Variants in REEP1 observed in about 807,000 individuals in gnomAD.
REEP1 encodes receptor accessory protein 1.
REEP1 carries 22 observed loss-of-function variants against 40.3 expected under a neutral mutation model. That is an observed-to-expected ratio of 0.55 (90% confidence interval 0.39 to 0.78). The LOEUF (loss-of-function observed/expected upper bound fraction) is 0.78, where lower values mean the gene tolerates loss of function less well. REEP1 is among the 30% of genes least tolerant of loss of function. The pLI is 0.00. For synonymous variants in REEP1, 116 were observed against 139.2 expected (o/e 0.83, Z 1.17); for missense variants, 280 against 361.1 (o/e 0.78, Z 1.82).
At chr2:86,332,014 T>G (rs546801456) in intron 1 of REEP1, among the ~76,000 whole-genome samples, 2 of 152,250 alleles carry the variant, frequency 1.3e-5, no homozygotes, top group East Asian at 1.9e-4. Context: ...CTGAAATCCC[T>G]ACTGTGTGCC....
At chr2:86,299,893 G>C (rs1679179404) in intron 1 of REEP1, among the ~76,000 whole-genome samples, 1 of 152,114 alleles carries the variant, frequency 6.6e-6, no homozygotes, top group Non-Finnish European at 1.5e-5. Flanking sequence ...TAAAATACTG[G>C]TAGACTGAAT....
chr2:86,337,568 C>G lies in REEP1; in HGVS notation c.-58G>C. On this transcript the variant is annotated 5_prime_UTR_variant, in exon 1 of 9. Transcript: ENST00000538924. The surrounding 1 kb of genome is among the most constrained non-coding windows in gnomAD (Gnocchi z 5.8). ...CGCGGCTCGGCTAGGCTGCGGGCGG[C>G]GCGGGCTGCTGCGGCGTTCCCGGAA... is the stretch of plus-strand genomic sequence containing the variant. 1.7e-6 allele frequency: 2 copies of G among 1,203,336 alleles called. No homozygotes were observed. The highest frequency in any genetic ancestry group is 1.0e-6 in the Non-Finnish European group (1 of 971,186). The allele number at this position is 1,203,336 out of a possible 1,614,324, so 74.5% of individuals were successfully genotyped here.
rs778360930 is a variant in REEP1 at position 86,232,750 on chromosome 2, G to A, written c.470C>T (p.Thr157Ile). 6.2e-7 allele frequency: 1 copy of A among 1,606,660 alleles called. No individual in the cohort carries two copies. Among genetic ancestry groups the A allele is most frequent in the Admixed American group, 1.7e-5 (1 of 59,996 alleles). Reference protein sequence around the residue: ...RLRSFSMQDLTTIRGDGAPAP... With the variant: ...RLRSFSMQDLITIRGDGAPAP... The stretch of plus-strand genomic sequence containing the variant: ...AGGGGCGCCGTCTCCCCTGATGGTG[G>A]TGAGGTCCTGCATGCTGAAGCTCCG... The change falls in exon 6 of 9, where the codon ACC becomes ATC. Residue 157 changes from threonine (T) to isoleucine (I), a missense_variant. Transcript: ENST00000538924.
intron 1 of REEP1, among the ~76,000 whole-genome samples, chr2:86,285,994 G>A (rs1015036155): frequency 3.9e-5 from 6 of 152,124 alleles, no homozygotes; most frequent in African/African-American, 1.4e-4. Flanking sequence ...ATCTCTGAAC[G>A]GAGCTTGCAC....
At chr2:86,248,541 G>A (rs1323209680) in intron 5 of REEP1, among the ~76,000 whole-genome samples, 1 of 151,926 alleles carries the variant, frequency 6.6e-6, no homozygotes, top group Non-Finnish European at 1.5e-5. Flanking sequence ...TCTACCTCCC[G>A]GGCTCAAGCG....
chr2:86,258,221 C>A (rs1676675940), intron 3 of REEP1, among the ~76,000 whole-genome samples: 1 of 152,210 alleles, frequency 6.6e-6, no homozygotes, highest in Non-Finnish European at 1.5e-5. Context: ...TCAGAGGGGT[C>A]TCTGTTGCTT....
Position 86,232,797 on chromosome 2 carries a change from C to G in REEP1, c.423G>C (p.Gln141His). 6.2e-7 allele frequency: 1 copy of G among 1,600,792 alleles called. No individual in the cohort carries two copies. Among genetic ancestry groups the G allele is most frequent in the Non-Finnish European group, 8.5e-7 (1 of 1,179,894 alleles). ...TCCGCAGTCTCTCCGATAAGGCACC[C>G]TGTCCCTGGATACAACACAGGAGGG... ...TAAVMAASKG[Q>H]GALSERLRSF... Residue 141 changes from glutamine to histidine, a missense_variant, in exon 6 of 9, where the codon CAG (glutamine) becomes CAC (histidine). Around this residue, in one of 3 missense-constraint regions of REEP1, gnomAD observed 201 missense variants for 238.5 expected, o/e 0.84. Coordinates refer to ENST00000538924, the MANE Select transcript of REEP1 (RefSeq NM_001371279.1).
intron 3 of REEP1, among the ~76,000 whole-genome samples, chr2:86,260,200 G>A (rs1558895822): frequency 6.6e-6 from 1 of 152,150 alleles, no homozygotes; most frequent in Non-Finnish European, 1.5e-5. Flanking sequence ...GCAGGGTGAG[G>A]ACATGATCAG....
At chr2:86,331,057 C>G (rs945680246) in intron 1 of REEP1, among the ~76,000 whole-genome samples, 7 of 152,220 alleles carry the variant, frequency 4.6e-5, no homozygotes, top group Non-Finnish European at 1.0e-4. Context: ...CCAAGATTCT[C>G]TTGTGCCAGC....
chr2:86,265,593 T>G (rs529293942), intron 2 of REEP1, among the ~76,000 whole-genome samples: 1 of 152,052 alleles, frequency 6.6e-6, no homozygotes, highest in East Asian at 1.9e-4. Flanking sequence ...ATATGCACAA[T>G]GGAATACTAC....
At chr2:86,323,553 A>AG (rs1205337181) in intron 1 of REEP1, among the ~76,000 whole-genome samples, 3 of 152,170 alleles carry the variant, frequency 2.0e-5, no homozygotes, top group Non-Finnish European at 4.4e-5. Flanking sequence ...TGAGAGACTT[A>AG]GGTTGCACAG....
At chr2:86,327,480 G>C (rs1332728172) in intron 1 of REEP1, among the ~76,000 whole-genome samples, 1 of 152,060 alleles carries the variant, frequency 6.6e-6, no homozygotes, top group Non-Finnish European at 1.5e-5. Context: ...ACCTTGGTGA[G>C]TGTTGTTGAC....
Position 86,337,515 on chromosome 2 carries a change from G to A in REEP1, c.-5C>T. 5 of 1,283,204 alleles carry A rather than the reference G, an allele frequency of 3.9e-6. No individual in the cohort carries two copies. The Admixed American group carries it at 1.1e-4, about 27-fold the overall frequency. 79.5% of individuals were successfully genotyped at this position (1,283,204 alleles called of 1,614,324 possible). ...GGAGATGATCCATGACACCATGGCG[G>A]GCAGGCGGGCGGGCGAGGCCCGGGC... On this transcript the variant is annotated 5_prime_UTR_variant, in exon 1 of 9. Transcript: ENST00000538924. This position sits in a 1 kb window ranked among gnomAD's most constrained non-coding sequence, Gnocchi z 5.8.
At chr2:86,257,298 A>C (rs1483118621) in intron 3 of REEP1, among the ~76,000 whole-genome samples, 1 of 151,740 alleles carries the variant, frequency 6.6e-6, no homozygotes, top group African/African-American at 2.4e-5. Flanking sequence ...TATTACATAA[A>C]AGATGTCTTT....
chr2:86,316,402 G>T (rs1033817952), intron 1 of REEP1, among the ~76,000 whole-genome samples: 1 of 151,650 alleles, frequency 6.6e-6, no homozygotes, highest in Non-Finnish European at 1.5e-5. Context: ...AAAAAAATTA[G>T]CCGGGTGTGG....
chr2:86,270,204 T>A (rs1301506250), intron 2 of REEP1, among the ~76,000 whole-genome samples: 1 of 151,838 alleles, frequency 6.6e-6, no homozygotes, highest in Non-Finnish European at 1.5e-5. Context: ...TGTTTGTTTG[T>A]TTGTTTGTTG....
At chr2:86,244,943 A>C (rs912388652) in intron 5 of REEP1, among the ~76,000 whole-genome samples, 2 of 152,212 alleles carry the variant, frequency 1.3e-5, no homozygotes, top group African/African-American at 4.8e-5. Context: ...TCAGGAGTTC[A>C]AGACCAGCCT....
chr2:86,312,387 C>T (rs146052777), intron 1 of REEP1, among the ~76,000 whole-genome samples: 20 of 152,312 alleles, frequency 1.3e-4, no homozygotes, highest in African/African-American at 4.8e-4. Context: ...TTCAACGATT[C>T]TTCCTGCTTG....
At chr2:86,312,803 A>G (rs1679822200) in intron 1 of REEP1, among the ~76,000 whole-genome samples, 1 of 152,260 alleles carries the variant, frequency 6.6e-6, no homozygotes, top group Admixed American at 6.5e-5. Context: ...GCATACTTGT[A>G]AATTATGTGT....
Sources: allele counts gnomAD v4.1 joint callset (sites outside exome capture counted in the v4.1 genomes callset), GRCh38; gene constraint gnomAD v4.1.1; regional missense constraint gnomAD v4.1.1; non-coding constraint Gnocchi (gnomAD v3.1); transcripts MANE v1.5; gene names NCBI Gene and HGNC (gene_info 2026-07-23, HGNC 2026-07-21).